The following C16orf46 variants were observed in gnomAD, a reference collection of about 807,000 sequenced individuals.
The protein encoded by C16orf46 is chromosome 16 open reading frame 46.
Under a neutral mutation model 5.5 loss-of-function variants are expected in C16orf46, and 7 were observed. That is an observed-to-expected ratio of 1.28 (90% confidence interval 0.73 to 2.40). C16orf46 has a LOEUF of 2.40. Ranked by LOEUF, C16orf46 falls within the 30% of genes most tolerant of loss-of-function variation. The pLI, the probability that C16orf46 is intolerant of heterozygous loss-of-function variation, is 0.00. For synonymous variants in C16orf46, 200 were observed against 184.1 expected (o/e 1.09, Z -0.70); for missense variants, 614 against 476.0 (o/e 1.29, Z -2.70).
chr16:81,069,186 G>C (rs569894737), intron 1 of C16orf46, among the ~76,000 whole-genome samples: 1 of 152,222 alleles, frequency 6.6e-6, no homozygotes, highest in East Asian at 1.9e-4. Flanking sequence ...GGCTGCAGTG[G>C]GTACACTTGA....
chr16:81,061,574 C>G lies in C16orf46; in HGVS notation c.775G>C (p.Asp259His), dbSNP rs1294428365. 1.2e-6 allele frequency: 2 copies of G among 1,614,076 alleles called. No individual in the cohort carries two copies. The highest frequency in any genetic ancestry group is 2.7e-5 in the African/African-American group (2 of 74,936). ...CTGGCTCTTTTTTCACCTTTCCCAT[C>G]TGCTGTTTTCAAGCCATATGCATAA... ...VAYAYGLKTA[D>H]GKGEKRASEL... The change falls in exon 4 of 4, where the codon GAT (aspartate) becomes CAT (histidine). Residue 259 changes from aspartate to histidine, a missense_variant. Transcript: ENST00000299578.
At chr16:81,054,950 C>T (rs1456410556) in intron 3 of C16orf46, among the ~76,000 whole-genome samples, 1 of 152,066 alleles carries the variant, frequency 6.6e-6, no homozygotes, top group African/African-American at 2.4e-5. Flanking sequence ...GCCTGGCCAA[C>T]AGGTCGTATA....
chr16:81,070,724 G>A (rs757561185), intron 1 of C16orf46, among the ~76,000 whole-genome samples: 3 of 152,126 alleles, frequency 2.0e-5, no homozygotes, highest in South Asian at 4.2e-4. Flanking sequence ...TTTTGCTCTT[G>A]TTGCCCATGC....
At chr16:81,056,761 A>G (rs1414547263), downstream of C16orf46, among the ~76,000 whole-genome samples, 1 of 150,750 alleles carries the variant, frequency 6.6e-6, no homozygotes, top group African/African-American at 2.4e-5. Context: ...GAAAGGACCT[A>G]GGCAGGTGCC....
At chr16:81,063,624 GT>G (rs1377154155) in intron 3 of C16orf46, 121 bp downstream of exon 3, 1 of 801,858 alleles carries the variant, frequency 1.2e-6, no homozygotes, top group Non-Finnish European at 2.0e-6. Flanking sequence ...CAATTCCAGG[GT>G]TTCTACATGT....
exon 4 of C16orf46, chr16:81,053,735 G>C (rs1184694715): frequency 9.1e-6 from 2 of 220,862 alleles, no homozygotes; most frequent in African/African-American, 4.5e-5. Context: ...CAGTGAAATA[G>C]TCCAATGTAT....
At chr16:81,062,221 G>A in intron 3 of C16orf46, 83 bp from the exon 4 acceptor site, 1 of 1,227,684 alleles carries the variant, frequency 8.1e-7, no homozygotes, top group Non-Finnish European at 1.1e-6. Flanking sequence ...TCCCATTTTG[G>A]CAGTCTTATG....
downstream of C16orf46, among the ~76,000 whole-genome samples, chr16:81,056,913 G>A (rs57906343): frequency 0.075 from 11,364 of 152,112 alleles, 1,376 homozygotes; most frequent in African/African-American, 0.25. Flanking sequence ...CAGAGAAGCT[G>A]CAGCAAAGGC....
downstream of C16orf46, chr16:81,056,108 G>C (rs535747948): frequency 6.6e-6 from 1 of 152,306 alleles, no homozygotes; most frequent in East Asian, 1.9e-4. Flanking sequence ...TACATATGAA[G>C]CACAGATTGC....
chr16:81,075,929 T>C (rs1280799597), intron 1 of C16orf46, among the ~76,000 whole-genome samples: 4 of 152,176 alleles, frequency 2.6e-5, no homozygotes, highest in Admixed American at 6.5e-5. Flanking sequence ...CAAAACTCCT[T>C]ATCACCTTGC....
Position 81,062,088 on chromosome 16 carries a change from C to G in C16orf46, c.261G>C (p.Lys87Asn). The change falls in exon 4 of 4, where the codon AAG (lysine) becomes AAC (asparagine). Residue 87 changes from lysine to asparagine, a missense_variant. Transcript: ENST00000299578. ...TSPAACIWPR[K>N]IPKKARVGEG... ...CCCCTACCCTCGCCTTTTTTGGTAT[C>G]TTCCTCGGCCAGATGCAGGCAGCTG... 6.2e-7 allele frequency: 1 copy of G among 1,607,724 alleles called. No homozygotes were observed.
rs564667857 is a variant in C16orf46 at position 81,063,995 on chromosome 16, T to A, written c.-38-2A>T. On this transcript the variant is annotated splice_acceptor_variant, in intron 2 of 3. Transcript: ENST00000299578. LOFTEE classifies it low-confidence loss of function (5UTR_SPLICE). The stretch of plus-strand genomic sequence containing the variant: ...CTTAAAGTTTTTAACATCTTCTTGC[T>A]GTTTAAAAACATGAATGGAACTTCG... The A allele has an allele frequency of 7.5e-6, 11 of 1,462,410 alleles. No individual in the cohort carries two copies. The highest frequency in any genetic ancestry group is 1.0e-5 in the Non-Finnish European group (11 of 1,068,574). The allele number at this position is 1,462,410 out of a possible 1,614,324, so 90.6% of individuals were successfully genotyped here. A position where few individuals can be genotyped will look rare whatever the true frequency, so the allele number is the denominator to read the frequency against.
In C16orf46 at chr16:81,066,241, C is replaced by T. The variant is rs535258387; in HGVS notation, c.-87G>A. 6.6e-6 allele frequency: 1 copy of T among 151,988 alleles called. No individual in the cohort carries two copies. Among genetic ancestry groups the T allele is most frequent in the African/African-American group, 2.4e-5 (1 of 41,462 alleles). The allele number at this position is 151,988 out of a possible 1,614,324, so 9.4% of individuals were successfully genotyped here. A position where few individuals can be genotyped will look rare whatever the true frequency, so the allele number is the denominator to read the frequency against. Reference sequence around the variant, plus strand: ...AACACTGGTGTACTTCAGGCAGGATCAACACGCTCCGCTACTAAAAGAGAA... The same window carrying T: ...AACACTGGTGTACTTCAGGCAGGATTAACACGCTCCGCTACTAAAAGAGAA... On this transcript the variant is annotated 5_prime_UTR_variant, in exon 2 of 4. Transcript: ENST00000299578.
At chr16:81,062,869 T>C (rs866597208) in intron 3 of C16orf46, among the ~76,000 whole-genome samples, 33 of 133,286 alleles carry the variant, frequency 2.5e-4, no homozygotes, top group African/African-American at 8.3e-4. Flanking sequence ...AGTTTTCTCA[T>C]AGTTTTATGC....
downstream of C16orf46, among the ~76,000 whole-genome samples, chr16:81,060,153 C>G (rs1009601594): frequency 2.6e-5 from 4 of 151,972 alleles, no homozygotes; most frequent in Non-Finnish European, 1.5e-5. Flanking sequence ...CTAAAACTTC[C>G]AGACACAGAG....
At chr16:81,063,646 A>T in intron 3 of C16orf46, 100 bp downstream of exon 3, 1 of 981,046 alleles carries the variant, frequency 1.0e-6, no homozygotes, top group Non-Finnish European at 1.5e-6. Context: ...CATTGATTCC[A>T]CATTTTTTGG....
chr16:81,062,049 G>A lies in C16orf46; in HGVS notation c.300C>T (p.Ser100=), dbSNP rs778576934. 3.4e-5 allele frequency: 55 copies of A among 1,613,016 alleles called. No individual in the cohort carries two copies. The highest frequency in any genetic ancestry group is 1.3e-4 in the East Asian group (6 of 44,884). ...KKARVGEGAC[S]DCLVCVNLSH... ...AGAGGTTAACACACACCAAGCAGTC[G>A]CTGCAGGCACCTTCCCCTACCCTCG... Residue 100 remains serine (S), a synonymous_variant, in exon 4 of 4, where the codon AGC becomes AGT. Coordinates refer to ENST00000299578, the MANE Select transcript of C16orf46 (RefSeq NM_152337.3).
chr16:81,073,387 G>A (rs891763348), intron 1 of C16orf46, among the ~76,000 whole-genome samples: 1 of 152,144 alleles, frequency 6.6e-6, no homozygotes, highest in Non-Finnish European at 1.5e-5. Flanking sequence ...GTCATGGAGA[G>A]AAAAATGGGT....
rs1013427327 is a variant in C16orf46 at position 81,077,174 on chromosome 16, G to C, written c.-166C>G. 4 of 152,380 alleles carry C rather than the reference G, an allele frequency of 2.6e-5. No homozygotes were observed. Among genetic ancestry groups the C allele is most frequent in the African/African-American group, 7.2e-5 (3 of 41,478 alleles). 9.4% of individuals were successfully genotyped at this position (152,380 alleles called of 1,614,324 possible). A position where few individuals can be genotyped will look rare whatever the true frequency, so the allele number is the denominator to read the frequency against. Reference sequence around the variant, plus strand: ...CGGATGGAAGGCCCCGAGACAGCTAGTCCCGGCCTACTGGCAAGAGCTACT... The same window carrying C: ...CGGATGGAAGGCCCCGAGACAGCTACTCCCGGCCTACTGGCAAGAGCTACT... On this transcript the variant is annotated 5_prime_UTR_variant, in exon 1 of 4. Transcript: ENST00000299578.
Sources: allele counts gnomAD v4.1 joint callset (sites outside exome capture counted in the v4.1 genomes callset), GRCh38; gene constraint gnomAD v4.1.1; transcripts MANE v1.5; gene names NCBI Gene and HGNC (gene_info 2026-07-23, HGNC 2026-07-21).